The following KLHL1 variants were observed in gnomAD, a reference collection of about 807,000 sequenced individuals.
The protein encoded by KLHL1 is kelch like family member 1, also known as kelch-like protein 1.
KLHL1 carries 47 observed loss-of-function variants against 77.7 expected under a neutral mutation model. The ratio of observed to expected loss-of-function variants is 0.60; its 90% CI spans 0.48 to 0.77. The LOEUF is 0.77. Among genes scored for constraint, KLHL1 ranks in the 30% least tolerant of loss-of-function variants. The probability of loss-of-function intolerance (pLI) is 0.00; values close to 1 mark genes in which losing one functional copy is unlikely to be tolerated. For missense variants in KLHL1, 925 were observed against 910.8 expected, an observed-to-expected ratio of 1.02 and a Z score of -0.20; for synonymous variants, 360 against 325.2, an observed-to-expected ratio of 1.11 and a Z score of -1.15.
At chr13:69,778,995 T>G (rs552901785) in intron 7 of KLHL1, among the ~76,000 whole-genome samples, 1 of 152,118 alleles carries the variant, frequency 6.6e-6, no homozygotes, top group East Asian at 1.9e-4. Flanking sequence ...AGATAGGGTT[T>G]CACCCTGTTA....
intron 5 of KLHL1, among the ~76,000 whole-genome samples, chr13:69,855,976 TG>T (rs1879903972): frequency 6.8e-6 from 1 of 147,574 alleles, no homozygotes; most frequent in Non-Finnish European, 1.5e-5. Context: ...ATAATATACA[TG>T]TTTTTTATAT....
At chr13:69,930,731 G>A (rs1186973996) in intron 4 of KLHL1, among the ~76,000 whole-genome samples, 1 of 151,680 alleles carries the variant, frequency 6.6e-6, no homozygotes, top group Non-Finnish European at 1.5e-5. Flanking sequence ...GATCACACAA[G>A]TGTATAATAC....
intron 7 of KLHL1, among the ~76,000 whole-genome samples, chr13:69,784,928 C>T (rs1399816061): frequency 8.0e-4 from 99 of 124,302 alleles, no homozygotes; most frequent in South Asian, 2.4e-3. Context: ...CTCGCTCTGT[C>T]GCCCAGGCTG....
At chr13:69,925,057 T>A (rs761366233) in intron 4 of KLHL1, among the ~76,000 whole-genome samples, 5 of 152,174 alleles carry the variant, frequency 3.3e-5, no homozygotes, top group African/African-American at 7.2e-5. Flanking sequence ...AGGCTGGTAG[T>A]GCAAGCTGGG....
At chr13:69,876,178 AT>A (rs1880755716) in intron 5 of KLHL1, among the ~76,000 whole-genome samples, 1 of 152,216 alleles carries the variant, frequency 6.6e-6, no homozygotes, top group South Asian at 2.1e-4. Context: ...AATATAACGT[AT>A]AAATTTCTTG....
chr13:69,833,106 G>A (rs1240952309), intron 6 of KLHL1, among the ~76,000 whole-genome samples: 1 of 151,956 alleles, frequency 6.6e-6, no homozygotes. Flanking sequence ...TAAATAGATA[G>A]GCCTTAATTA....
chr13:69,711,176 C>T (rs796544970), intron 9 of KLHL1, among the ~76,000 whole-genome samples: 4 of 152,128 alleles, frequency 2.6e-5, no homozygotes, highest in African/African-American at 9.6e-5. Flanking sequence ...AAAAACATTA[C>T]TTTCTTAACA....
intron 2 of KLHL1, among the ~76,000 whole-genome samples, chr13:69,972,387 T>C (rs924806573): frequency 2.0e-5 from 3 of 151,970 alleles, no homozygotes; most frequent in African/African-American, 7.2e-5. Flanking sequence ...AACACATTTT[T>C]AAATGCCAAG....
intron 1 of KLHL1, among the ~76,000 whole-genome samples, chr13:70,005,643 C>T (rs1885388882): frequency 6.6e-6 from 1 of 151,488 alleles, no homozygotes. Context: ...ATAAACACTG[C>T]ATGTTTTAAT....
chr13:69,746,339 G>A (rs1010368280), intron 7 of KLHL1, among the ~76,000 whole-genome samples: 1 of 150,110 alleles, frequency 6.7e-6, no homozygotes, highest in East Asian at 1.9e-4. Flanking sequence ...ATACATATTT[G>A]GCATTTAAAA....
At chr13:69,725,848 A>T (rs992081170) in intron 8 of KLHL1, among the ~76,000 whole-genome samples, 2 of 152,144 alleles carry the variant, frequency 1.3e-5, no homozygotes, top group Admixed American at 6.5e-5. Flanking sequence ...TTCTCATGGC[A>T]TCAGAAGAAA....
intron 1 of KLHL1, among the ~76,000 whole-genome samples, chr13:70,036,391 C>T (rs992676701): frequency 4.0e-5 from 6 of 151,688 alleles, no homozygotes; most frequent in African/African-American, 1.2e-4. Flanking sequence ...TTTAAATTAC[C>T]TTTTGTAGTT....
rs564236599 is a variant in KLHL1 at position 69,869,273 on chromosome 13, A to G, written c.1227+13010T>C. On this transcript the variant is annotated intron_variant, in intron 5 of 10. Transcript: ENST00000377844. ...AATTTATCATATGGAAAGTAAATAA[A>G]ATTTCTTCCAATTTATTCAGAGTAT... Among the ~76,000 whole-genome samples, 4 of 152,216 alleles carry G rather than the reference A, an allele frequency of 2.6e-5. No homozygotes were observed. The South Asian group carries it at 8.3e-4, about 32-fold the overall frequency.
chr13:69,730,275 G>T (rs915912236), intron 8 of KLHL1, among the ~76,000 whole-genome samples: 1 of 149,680 alleles, frequency 6.7e-6, no homozygotes, highest in Non-Finnish European at 1.5e-5. Flanking sequence ...TAATGTGTGT[G>T]TGTGTGTGTG....
chr13:69,847,819 G>T (rs975177653), intron 5 of KLHL1, among the ~76,000 whole-genome samples: 1 of 151,400 alleles, frequency 6.6e-6, no homozygotes, highest in African/African-American at 2.4e-5. Context: ...ATAAATGACA[G>T]TTTCATAGCT....
chr13:69,996,643 G>A (rs1885159158), intron 1 of KLHL1, among the ~76,000 whole-genome samples: 1 of 152,004 alleles, frequency 6.6e-6, no homozygotes, highest in Non-Finnish European at 1.5e-5. Flanking sequence ...TGCTACAGAA[G>A]AATCACAACT....
intron 1 of KLHL1, among the ~76,000 whole-genome samples, chr13:70,061,178 G>A (rs889631934): frequency 2.0e-5 from 3 of 152,046 alleles, no homozygotes; most frequent in Non-Finnish European, 4.4e-5. Context: ...TTTTCTGTTA[G>A]TAATCATCAC....
chr13:70,083,245 T>C lies in KLHL1; in HGVS notation c.497+23958A>G, dbSNP rs572083206. On this transcript the variant is annotated intron_variant, in intron 1 of 10. Coordinates refer to ENST00000377844, the MANE Select transcript of KLHL1 (RefSeq NM_020866.3). ...ATTACAAATTGTCGTCACTACTAAT[T>C]TGGAAGGCATAATAATGATGTAGGA... 3.9e-5 allele frequency among the ~76,000 whole-genome samples: 6 copies of C among 152,302 alleles called. No individual in the cohort carries two copies. In the East Asian group the frequency reaches 1.2e-3, roughly 29 times the overall value.
At chr13:69,837,345 T>C (rs74090487) in intron 6 of KLHL1, among the ~76,000 whole-genome samples, 12,222 of 151,556 alleles carry the variant, frequency 0.081, 930 homozygotes, top group African/African-American at 0.2. Context: ...AACTGTGACA[T>C]TTCTGTGTGA....
Sources: gnomAD v4.1 joint callset for allele counts (sites outside exome capture counted in the v4.1 genomes callset) on GRCh38, gnomAD v4.1.1 for gene constraint, MANE v1.5 for transcripts, NCBI Gene and HGNC (gene_info 2026-07-23, HGNC 2026-07-21) for gene names.